The following ANKH variants were observed in gnomAD, a reference collection of about 807,000 sequenced individuals.
ANKH encodes the protein ANKH inorganic pyrophosphate transport regulator.
A neutral mutation model predicts 49.0 loss-of-function variants in ANKH; 15 were observed. That is an observed-to-expected ratio of 0.31 (90% confidence interval 0.20 to 0.47). The LOEUF (loss-of-function observed/expected upper bound fraction) is 0.47. ANKH is among the 20% of genes least tolerant of loss of function. The pLI is 1.00. For missense variants in ANKH, 429 were observed against 652.0 expected (o/e 0.66, Z 3.72); for synonymous variants, 273 against 260.0 (o/e 1.05, Z -0.48).
intron 3 of ANKH, among the ~76,000 whole-genome samples, chr5:14,757,430 A>ATTTT (rs1243593041): frequency 2.6e-5 from 3 of 113,818 alleles, no homozygotes; most frequent in Admixed American, 2.1e-4. Flanking sequence ...ATATATATAT[A>ATTTT]TTTTTTTTTT....
rs761878319 is a variant in ANKH at position 14,758,504 on chromosome 5, G to A, written c.408C>T (p.Ala136=). Residue 136 remains alanine (A), a synonymous_variant, in exon 3 of 12, where the codon GCC becomes GCT. Transcript: ENST00000284268. ...CCATTGCGTCCATGAAAGGAAAGGC[G>A]GCGAGGTACAGGAAGGCCCTTCTCG... ...SKTRRAFLYL[A]AFPFMDAMAW... is the part of the protein sequence containing the mutation. 8 of 1,613,918 alleles carry A rather than the reference G, an allele frequency of 5.0e-6. No homozygotes were observed. Among genetic ancestry groups the A allele is most frequent in the African/African-American group, 2.7e-5 (2 of 74,892 alleles).
Position 14,749,348 on chromosome 5 carries a change from A to G in ANKH, c.688-42T>C, listed in dbSNP as rs931813076. 23 of 1,611,360 alleles carry G rather than the reference A, an allele frequency of 1.4e-5. No individual in the cohort carries two copies. In the Admixed American group the frequency reaches 3.2e-4, roughly 22 times the overall value. ...AGATAAAAGTTACCTGAACTCTAGAAGCAGAATGGAAAAAACGATTCAGAA... is the reference window on the plus strand; with the variant it reads ...AGATAAAAGTTACCTGAACTCTAGAGGCAGAATGGAAAAAACGATTCAGAA... On this transcript the variant is annotated intron_variant, in intron 5 of 11. Coordinates refer to ENST00000284268, the MANE Select transcript of ANKH (RefSeq NM_054027.6).
intron 8 of ANKH, among the ~76,000 whole-genome samples, chr5:14,739,273 C>T (rs906932004): frequency 5.9e-5 from 9 of 151,970 alleles, no homozygotes; most frequent in East Asian, 1.9e-4. Context: ...AAAAATCAGC[C>T]GGGTGTGGTG....
chr5:14,737,745 C>A lies in ANKH; in HGVS notation c.1011+4082G>T, dbSNP rs914766806. Among the ~76,000 whole-genome samples the A allele has an allele frequency of 6.6e-6, 1 of 152,236 alleles. No homozygotes were observed. Among genetic ancestry groups the A allele is most frequent in the African/African-American group, 2.4e-5 (1 of 41,458 alleles). The stretch of plus-strand genomic sequence containing the variant: ...ATTTTTGAAATGTGCTTCCCTTCAC[C>A]CCAAACAGCTGCTTGTCAGTCAGCA... On this transcript the variant is annotated intron_variant, in intron 8 of 11. Coordinates refer to ENST00000284268, the MANE Select transcript of ANKH (RefSeq NM_054027.6). The surrounding 1 kb of genome is among the most constrained non-coding windows in gnomAD (Gnocchi z 5.0).
intron 1 of ANKH, 57 bp downstream of exon 1, chr5:14,871,295 C>A: frequency 6.7e-7 from 1 of 1,491,504 alleles, no homozygotes; most frequent in Non-Finnish European, 9.3e-7. Flanking sequence ...CCCCCGTGTC[C>A]GGGCGTGTAA....
chr5:14,729,983 G>A (rs560305151), intron 8 of ANKH, among the ~76,000 whole-genome samples: 4 of 152,288 alleles, frequency 2.6e-5, no homozygotes, highest in Non-Finnish European at 4.4e-5. Context: ...CCTCAGTTCC[G>A]CAGGGTTGCC....
At chr5:14,814,294 T>C (rs113813507) in intron 1 of ANKH, among the ~76,000 whole-genome samples, 5 of 152,336 alleles carry the variant, frequency 3.3e-5, no homozygotes, top group South Asian at 4.1e-4. Flanking sequence ...TTCTAGCGAA[T>C]AGCAGGTATT....
In ANKH at chr5:14,844,987, A is replaced by G. The variant is rs910671914; in HGVS notation, c.96+26365T>C. On this transcript the variant is annotated intron_variant, in intron 1 of 11. Transcript: ENST00000284268. ...TACTTACCAAGCTATCATATTATCAACTTCTTCCTGCTCTTTTATTCCTGT... is the reference window on the plus strand; with the variant it reads ...TACTTACCAAGCTATCATATTATCAGCTTCTTCCTGCTCTTTTATTCCTGT... Among the ~76,000 whole-genome samples, 3 of 151,824 alleles carry G rather than the reference A, an allele frequency of 2.0e-5. No individual in the cohort carries two copies. The East Asian group carries it at 5.8e-4, about 29-fold the overall frequency.
At chr5:14,821,494 C>T (rs1053517514) in intron 1 of ANKH, among the ~76,000 whole-genome samples, 9 of 152,172 alleles carry the variant, frequency 5.9e-5, no homozygotes, top group South Asian at 2.1e-4. Context: ...TGACATGTTC[C>T]GGTTATGAAT....
At chr5:14,722,039 A>G (rs1166111121) in intron 8 of ANKH, among the ~76,000 whole-genome samples, 1 of 151,884 alleles carries the variant, frequency 6.6e-6, no homozygotes, top group East Asian at 1.9e-4. Context: ...ACTGAGCCCT[A>G]GCATAATAAT....
chr5:14,759,796 GAGGGGAGGGA>G lies in ANKH; in HGVS notation c.314-1208_314-1199del, dbSNP rs1366226035. 3.6e-5 allele frequency among the ~76,000 whole-genome samples: 5 copies of G among 140,170 alleles called. No homozygotes were observed. The South Asian group carries it at 1.3e-3, about 37-fold the overall frequency. 92.0% of individuals were successfully genotyped at this position (140,170 alleles called of 152,430 possible). On this transcript the variant is annotated intron_variant, in intron 2 of 11. Transcript: ENST00000284268. Reference sequence around the variant, plus strand: ...GAAAAAAGAAGAGGAGAGGGGAGGGGAGGGGAGGGAAGGGGAGGGAAAAAAAGGAAAGGAA... The same window carrying G: ...GAAAAAAGAAGAGGAGAGGGGAGGGGAGGGGAGGGAAAAAAAGGAAAGGAA...
In ANKH at chr5:14,706,643, A is replaced by C. The variant is rs1019958007; in HGVS notation, c.*4554T>G. 1.3e-5 allele frequency: 2 copies of C among 152,156 alleles called. No individual in the cohort carries two copies. Among genetic ancestry groups the C allele is most frequent in the African/African-American group, 4.8e-5 (2 of 41,434 alleles). 9.4% of individuals were successfully genotyped at this position (152,156 alleles called of 1,614,324 possible). On this transcript the variant is annotated 3_prime_UTR_variant, in exon 12 of 12. Coordinates refer to ENST00000284268, the MANE Select transcript of ANKH (RefSeq NM_054027.6). ...TCATTTTGAACATTTGCATGATTTT[A>C]GACATTTTGCCTTTAAAAGGGCAGG...
At chr5:14,712,280 T>C (rs1051830937) in intron 11 of ANKH, among the ~76,000 whole-genome samples, 4 of 152,246 alleles carry the variant, frequency 2.6e-5, no homozygotes, top group African/African-American at 7.2e-5. Flanking sequence ...CTGTTCACTC[T>C]GCTACTCTCT....
chr5:14,863,695 A>G (rs1735568281), intron 1 of ANKH, among the ~76,000 whole-genome samples: 1 of 152,078 alleles, frequency 6.6e-6, no homozygotes, highest in Non-Finnish European at 1.5e-5. Flanking sequence ...ACACCACCCA[A>G]GTCACTCTGG....
chr5:14,854,259 G>A (rs555840517), intron 1 of ANKH, among the ~76,000 whole-genome samples: 124 of 152,226 alleles, frequency 8.1e-4, no homozygotes, highest in African/African-American at 2.7e-3. Flanking sequence ...ATTCACTGCC[G>A]TTCCCACTGT....
intron 1 of ANKH, among the ~76,000 whole-genome samples, chr5:14,779,036 T>C (rs1412661324): frequency 6.6e-6 from 1 of 152,232 alleles, no homozygotes; most frequent in African/African-American, 2.4e-5. Context: ...CTTATCCATC[T>C]GGAATGTGGA....
In ANKH at chr5:14,710,109, C is replaced by A. The variant is rs1737107203; in HGVS notation, c.*1088G>T. The A allele has an allele frequency of 6.6e-6, 1 of 152,166 alleles. No individual in the cohort carries two copies. The highest frequency in any genetic ancestry group is 2.4e-5 in the African/African-American group (1 of 41,438). 9.4% of individuals were successfully genotyped at this position (152,166 alleles called of 1,614,324 possible). ...TCTGGTATCGTTATAAAATGTCTTGCTTTATCGTATGGTGTGGGAGGGAAG... is the reference window on the plus strand; with the variant it reads ...TCTGGTATCGTTATAAAATGTCTTGATTTATCGTATGGTGTGGGAGGGAAG... On this transcript the variant is annotated 3_prime_UTR_variant, in exon 12 of 12. Transcript: ENST00000284268.
At chr5:14,765,997 T>G (rs1051593785) in intron 2 of ANKH, among the ~76,000 whole-genome samples, 2 of 152,130 alleles carry the variant, frequency 1.3e-5, no homozygotes, top group Non-Finnish European at 2.9e-5. Context: ...ATAGAGAACA[T>G]CACGTTGGGA....
In ANKH at chr5:14,816,821, G is replaced by A. The variant is rs540620580; in HGVS notation, c.97-47630C>T. Among the ~76,000 whole-genome samples the A allele has an allele frequency of 1.1e-4, 17 of 152,224 alleles. No individual in the cohort carries two copies. In the East Asian group the frequency reaches 2.3e-3, roughly 21 times the overall value. On this transcript the variant is annotated intron_variant, in intron 1 of 11. Coordinates refer to ENST00000284268, the MANE Select transcript of ANKH (RefSeq NM_054027.6). ...CACGAGCTTTGGCCAGGATGAACAC[G>A]ATGGCAAACAAACTCTCCCACGGGG...
Sources: allele counts gnomAD v4.1 joint callset (sites outside exome capture counted in the v4.1 genomes callset), GRCh38; gene constraint gnomAD v4.1.1; non-coding constraint Gnocchi (gnomAD v3.1); transcripts MANE v1.5; gene names NCBI Gene and HGNC (gene_info 2026-07-23, HGNC 2026-07-21).